AFG2A: variants seen among roughly 807,000 people sequenced by gnomAD.
AFG2A encodes the protein ATPase family gene 2 protein homolog A.
chr4:123,312,516 A>T, the AFG2A span, among the ~76,000 whole-genome samples: 73 of 152,300 alleles, frequency 4.8e-4, no homozygotes, highest in African/African-American at 1.7e-3. Flanking sequence ...ACACAGTGGA[A>T]CCATTGGATA....
chr4:123,051,200 G>A, the AFG2A span, among the ~76,000 whole-genome samples: 1 of 150,722 alleles, frequency 6.6e-6, no homozygotes, highest in Non-Finnish European at 1.5e-5. Flanking sequence ...CTTCTTTTGT[G>A]GCTGAGTGAT....
the AFG2A span, among the ~76,000 whole-genome samples, chr4:123,085,315 T>C: frequency 6.6e-6 from 1 of 152,364 alleles, no homozygotes. Context: ...TTTTCAGCTA[T>C]AATAGCGTAT....
At chr4:123,246,482 C>G in the AFG2A span, among the ~76,000 whole-genome samples, 1 of 152,148 alleles carries the variant, frequency 6.6e-6, no homozygotes, top group Non-Finnish European at 1.5e-5. Flanking sequence ...GACCAAACTC[C>G]TTGGCATTAC....
chr4:123,113,515 G>T, the AFG2A span, among the ~76,000 whole-genome samples: 1 of 152,068 alleles, frequency 6.6e-6, no homozygotes. Flanking sequence ...AAAAAATCTG[G>T]CTGTAAATAG....
chr4:122,932,241 C>T, the AFG2A span, among the ~76,000 whole-genome samples: 3 of 151,496 alleles, frequency 2.0e-5, no homozygotes, highest in Admixed American at 1.3e-4. Flanking sequence ...CACCACCGCA[C>T]TCCAGCCTGG....
the AFG2A span, among the ~76,000 whole-genome samples, chr4:123,058,486 G>A: frequency 1.3e-5 from 2 of 152,154 alleles, no homozygotes; most frequent in Non-Finnish European, 1.5e-5. Context: ...TTAGCTGGGC[G>A]TGGTGGTGGT....
chr4:122,947,522 A>T, the AFG2A span: 12 of 1,495,298 alleles, frequency 8.0e-6, no homozygotes, highest in Non-Finnish European at 1.1e-5. Flanking sequence ...GTCTCTATTG[A>T]TGCACTTATC....
chr4:122,978,180 T>A, the AFG2A span, among the ~76,000 whole-genome samples: 1 of 151,772 alleles, frequency 6.6e-6, no homozygotes, highest in Non-Finnish European at 1.5e-5. Flanking sequence ...CTGGTCAGCC[T>A]GATGAGTGTC....
the AFG2A span, among the ~76,000 whole-genome samples, chr4:122,930,932 T>C: frequency 7.2e-6 from 1 of 138,336 alleles, no homozygotes; most frequent in African/African-American, 2.5e-5. Context: ...TCTTATGTTT[T>C]AAAAAATCTT....
At chr4:123,117,716 GA>G in the AFG2A span, among the ~76,000 whole-genome samples, 95 of 148,356 alleles carry the variant, frequency 6.4e-4, no homozygotes, top group African/African-American at 1.4e-3. Context: ...AGGAGAGGGA[GA>G]AAAAAAAAAT....
chr4:123,153,742 G>A, the AFG2A span, among the ~76,000 whole-genome samples: 1 of 151,764 alleles, frequency 6.6e-6, no homozygotes, highest in Non-Finnish European at 1.5e-5. Context: ...ACCACAGTAG[G>A]GCATATCCTA....
the AFG2A span, among the ~76,000 whole-genome samples, chr4:123,012,203 T>C: frequency 3.4e-5 from 4 of 118,088 alleles, no homozygotes; most frequent in Non-Finnish European, 3.4e-5. Context: ...GGGGGGCGCT[T>C]GTCCCCCAGG....
At chr4:123,272,830 T>C in the AFG2A span, among the ~76,000 whole-genome samples, 1 of 152,198 alleles carries the variant, frequency 6.6e-6, no homozygotes, top group South Asian at 2.1e-4. Context: ...GGAGAGAGAT[T>C]AGATTGGTAA....
At chr4:122,948,139 G>A in the AFG2A span, among the ~76,000 whole-genome samples, 44 of 152,148 alleles carry the variant, frequency 2.9e-4, 2 homozygotes, top group South Asian at 8.9e-3. Flanking sequence ...TGACTGCACA[G>A]GGATTGGTGT....
the AFG2A span, among the ~76,000 whole-genome samples, chr4:123,292,553 T>C: frequency 6.6e-6 from 1 of 152,236 alleles, no homozygotes; most frequent in South Asian, 2.1e-4. Context: ...AAATTCCCCT[T>C]GAGAATGTGA....
At chr4:123,054,176 G>A in the AFG2A span, among the ~76,000 whole-genome samples, 1 of 152,168 alleles carries the variant, frequency 6.6e-6, no homozygotes, top group African/African-American at 2.4e-5. Context: ...TGAGAGACAG[G>A]GCTACTTCTG....
At chr4:123,247,571 G>A in the AFG2A span, among the ~76,000 whole-genome samples, 3 of 93,206 alleles carry the variant, frequency 3.2e-5, no homozygotes, top group Non-Finnish European at 8.5e-5. Context: ...CACCACACCC[G>A]GCTAATTTTT....
the AFG2A span, among the ~76,000 whole-genome samples, chr4:123,168,716 T>G: frequency 6.6e-6 from 1 of 152,178 alleles, no homozygotes; most frequent in Non-Finnish European, 1.5e-5. Flanking sequence ...TTGTCTAAAG[T>G]TTGTTAAGAG....
At chr4:123,220,387 G>A in the AFG2A span, among the ~76,000 whole-genome samples, 2 of 151,666 alleles carry the variant, frequency 1.3e-5, no homozygotes, top group Non-Finnish European at 2.9e-5. Flanking sequence ...TGAGGTGGAC[G>A]CATCACAAGA....
Sources: gnomAD v4.1 joint callset for allele counts (sites outside exome capture counted in the v4.1 genomes callset) on GRCh38, gnomAD v4.1.1 for gene constraint, MANE v1.5 for transcripts, NCBI Gene and HGNC (gene_info 2026-07-23, HGNC 2026-07-21) for gene names.